Variants in ZNF787 observed in about 807,000 individuals in gnomAD.
ZNF787 encodes TTF-I-interacting peptide 20.
In ZNF787, 7 loss-of-function variants were observed where a neutral mutation model predicts 16.9. The observed-to-expected ratio is 0.42, with a 90% CI of 0.24 to 0.78. ZNF787 has a LOEUF of 0.78. Among genes scored for constraint, ZNF787 ranks in the 30% least tolerant of loss-of-function variants. The probability of loss-of-function intolerance (pLI) is 0.30; values close to 1 mark genes in which losing one functional copy is unlikely to be tolerated. For missense variants in ZNF787, 551 were observed against 589.3 expected (o/e 0.94, Z 0.67); for synonymous variants, 345 against 270.9 (o/e 1.27, Z -2.69).
chr19:56,096,582 G>A (rs914607690), intron 2 of ZNF787, among the ~76,000 whole-genome samples: 8 of 152,172 alleles, frequency 5.3e-5, no homozygotes, highest in Non-Finnish European at 1.0e-4. Context: ...GCATGGTGGC[G>A]GGTGCCTGTA....
Position 56,103,211 on chromosome 19 carries a change from G to A in ZNF787, c.7C>T (p.Leu3=). The part of the protein sequence containing the change: ME[L]REEAWSPGPL... ...CCCGGAGACCAGGCTTCTTCCCGCA[G>A]CTCCATGTCTGGGTCCCTGTTAGAA... The change falls in exon 2 of 3, where the codon CTG becomes TTG. Residue 3 remains leucine, a synonymous_variant. Coordinates refer to ENST00000610935, the MANE Select transcript of ZNF787 (RefSeq NM_001002836.4). 1 of 1,557,000 alleles carries A rather than the reference G, an allele frequency of 6.4e-7. No homozygotes were observed. The highest frequency in any genetic ancestry group is 8.7e-7 in the Non-Finnish European group (1 of 1,151,334).
chr19:56,087,928 C>T lies in ZNF787; in HGVS notation c.*95G>A, dbSNP rs1240594491. 2 of 1,287,100 alleles carry T rather than the reference C, an allele frequency of 1.6e-6. No individual in the cohort carries two copies. Among genetic ancestry groups the T allele is most frequent in the South Asian group, 4.2e-5 (2 of 47,542 alleles). 79.7% of individuals were successfully genotyped at this position (1,287,100 alleles called of 1,614,324 possible). ...CGGGGATGCCGCGGGGTCCATCGCA[C>T]CCCGTCCGCTTCTCCCTGGGTCTCT... On this transcript the variant is annotated 3_prime_UTR_variant, in exon 3 of 3. Transcript: ENST00000610935.
At position 56,088,452 on chromosome 19, in the gene ZNF787, G is replaced by A. The variant is rs1452527772; in HGVS notation, c.720C>T (p.Gly240=). Residue 240 remains glycine (G), a synonymous_variant, in exon 3 of 3, where the codon GGC becomes GGT. Transcript: ENST00000610935. This position sits in a 1 kb window ranked among gnomAD's most constrained non-coding sequence, Gnocchi z 8.6. ...DGEIAIPVGD[G]EGIIVVGAPG... is the part of the protein sequence containing the mutation. ...GCGCGCCCACCACGATGATGCCCTC[G>A]CCATCGCCCACGGGGATGGCGATCT... The A allele has an allele frequency of 8.6e-6, 11 of 1,273,736 alleles. No individual in the cohort carries two copies. Among genetic ancestry groups the A allele is most frequent in the African/African-American group, 1.6e-5 (1 of 62,576 alleles). 78.9% of individuals were successfully genotyped at this position (1,273,736 alleles called of 1,614,324 possible).
Position 56,106,635 on chromosome 19 carries a change from C to G in ZNF787, c.-10-3408G>C, listed in dbSNP as rs76822171. 2.6e-5 allele frequency among the ~76,000 whole-genome samples: 4 copies of G among 152,290 alleles called. No homozygotes were observed. In the East Asian group the frequency reaches 7.7e-4, roughly 29 times the overall value. On this transcript the variant is annotated intron_variant, in intron 1 of 2. Coordinates refer to ENST00000610935, the MANE Select transcript of ZNF787 (RefSeq NM_001002836.4). Reference sequence around the variant, plus strand: ...GGGTAGGACTCCTGGTGAGACACAGCGGCGCCACCCCACCTCGTTCCCCAA... The same window carrying G: ...GGGTAGGACTCCTGGTGAGACACAGGGGCGCCACCCCACCTCGTTCCCCAA...
chr19:56,114,781 G>C (rs1311812497), intron 1 of ZNF787, among the ~76,000 whole-genome samples: 1 of 151,668 alleles, frequency 6.6e-6, no homozygotes, highest in East Asian at 2.0e-4. Context: ...GGTGCCAGGG[G>C]TGTCCAGCAC....
intron 2 of ZNF787, among the ~76,000 whole-genome samples, chr19:56,093,645 G>A (rs925325791): frequency 1.1e-4 from 16 of 152,138 alleles, no homozygotes; most frequent in Admixed American, 5.9e-4. Context: ...ACAGAGGAAC[G>A]GGGTTCACAG....
intron 1 of ZNF787, among the ~76,000 whole-genome samples, chr19:56,117,273 A>G (rs592827): frequency 1.0e-4 from 9 of 89,458 alleles, no homozygotes; most frequent in African/African-American, 3.9e-4. Flanking sequence ...GAGGCTTTCA[A>G]AAGCGGAGTG....
rs1167955551 is a variant in ZNF787 at position 56,088,429 on chromosome 19, G to A, written c.743C>T (p.Ala248Val). ...CGCGGCCGCGGCCCCCTCGCCCGGC[G>A]CGCCCACCACGATGATGCCCTCGCC... ...GDGEGIIVVGAPGEGAAAAAA... is the reference protein window; with the variant it reads ...GDGEGIIVVGVPGEGAAAAAA... Residue 248 changes from alanine (A) to valine (V), a missense_variant, in exon 3 of 3, where the codon GCG (alanine) becomes GTG (valine). By Grantham distance (64) the Ala-to-Val change is moderately conservative. Around this residue, in one of 4 missense-constraint regions of ZNF787, gnomAD observed 392 missense variants for 312.7 expected, o/e 1.25. Transcript: ENST00000610935. This position sits in a 1 kb window ranked among gnomAD's most constrained non-coding sequence, Gnocchi z 8.6. 8.4e-7 allele frequency: 1 copy of A among 1,190,504 alleles called. No homozygotes were observed. The highest frequency in any genetic ancestry group is 4.1e-5 in the East Asian group (1 of 24,644). 73.7% of individuals were successfully genotyped at this position (1,190,504 alleles called of 1,614,324 possible). A position where few individuals can be genotyped will look rare whatever the true frequency, so the allele number is the denominator to read the frequency against.
At chr19:56,118,882 CCCCT>C (rs2030210682) in intron 1 of ZNF787, among the ~76,000 whole-genome samples, 1 of 152,150 alleles carries the variant, frequency 6.6e-6, no homozygotes, top group African/African-American at 2.4e-5. Context: ...TGAGCTGTGA[CCCCT>C]GCCATTCCCT....
Position 56,103,224 on chromosome 19 carries a change from G to A in ZNF787, c.-7C>T, listed in dbSNP as rs953694233. On this transcript the variant is annotated 5_prime_UTR_variant, in exon 2 of 3. Transcript: ENST00000610935. ...CTTCTTCCCGCAGCTCCATGTCTGG[G>A]TCCCTGTTAGAAGGGGATGAGACAG... 1.9e-6 allele frequency: 3 copies of A among 1,549,156 alleles called. No individual in the cohort carries two copies. The highest frequency in any genetic ancestry group is 1.9e-5 in the Admixed American group (1 of 51,462).
At chr19:56,117,578 G>A (rs1249323088) in intron 1 of ZNF787, among the ~76,000 whole-genome samples, 2 of 152,238 alleles carry the variant, frequency 1.3e-5, no homozygotes, top group Non-Finnish European at 1.5e-5. Context: ...CACCTGAGTC[G>A]GCCAGCTGCC....
At chr19:56,103,585 G>C in intron 1 of ZNF787, 1 of 278,254 alleles carries the variant, frequency 3.6e-6, no homozygotes. Flanking sequence ...TGGAGAACAT[G>C]TTACTGTCAA....
At chr19:56,113,568 G>T (rs551095927) in intron 1 of ZNF787, among the ~76,000 whole-genome samples, 1 of 152,072 alleles carries the variant, frequency 6.6e-6, no homozygotes, top group African/African-American at 2.4e-5. Context: ...GATGACCCTC[G>T]AACACGGCAC....
intron 1 of ZNF787, among the ~76,000 whole-genome samples, chr19:56,120,384 G>A (rs1021400839): frequency 2.0e-5 from 3 of 152,224 alleles, no homozygotes; most frequent in African/African-American, 7.2e-5. Flanking sequence ...TCGGCACAGG[G>A]GAGGGAGGCC....
chr19:56,103,133 GCT>G lies in ZNF787; in HGVS notation c.79+4_79+5del. On this transcript the variant is annotated splice_donor_5th_base_variant and intron_variant, in intron 2 of 2. Transcript: ENST00000610935. The stretch of plus-strand genomic sequence containing the variant: ...GGGTCGGCTGGGAAGGCCTCTGGCT[GCT>G]CACCTGGGTTCTCGTGACTGGCCAT... 6.2e-7 allele frequency: 1 copy of G among 1,611,310 alleles called. No homozygotes were observed. The highest frequency in any genetic ancestry group is 8.5e-7 in the Non-Finnish European group (1 of 1,178,200).
At chr19:56,106,324 C>T (rs889370513) in intron 1 of ZNF787, among the ~76,000 whole-genome samples, 1 of 152,380 alleles carries the variant, frequency 6.6e-6, no homozygotes, top group Admixed American at 6.5e-5. Flanking sequence ...GTGGTCCATG[C>T]ACCCACCCAT....
rs527454058 is a variant in ZNF787, at chr19:56,117,343, C to T, written c.-11+3829G>A. ...CCACAAGCAGAGTGGCTAGTACAAC[C>T]TCACAGAGCCACAGCGAGGCTTCCA... On this transcript the variant is annotated intron_variant, in intron 1 of 2. Transcript: ENST00000610935. Among the ~76,000 whole-genome samples the T allele has an allele frequency of 3.2e-4, 48 of 150,020 alleles. 2 individuals are homozygous for T. The highest frequency in any genetic ancestry group is 1.1e-3 in the African/African-American group (45 of 40,706).
chr19:56,095,650 T>C (rs917947816), intron 2 of ZNF787, among the ~76,000 whole-genome samples: 1 of 152,226 alleles, frequency 6.6e-6, no homozygotes, highest in African/African-American at 2.4e-5. Flanking sequence ...CCCTGCTCGA[T>C]TCTGATTCCT....
intron 1 of ZNF787, among the ~76,000 whole-genome samples, chr19:56,113,343 A>C (rs578990): frequency 1.3e-5 from 2 of 152,132 alleles, no homozygotes; most frequent in South Asian, 2.1e-4. Flanking sequence ...CAGAACTCCC[A>C]TAAGAACCCG....
Sources: gnomAD v4.1 joint callset for allele counts (sites outside exome capture counted in the v4.1 genomes callset) on GRCh38, gnomAD v4.1.1 for gene constraint, gnomAD v4.1.1 regional missense constraint, Gnocchi (gnomAD v3.1) non-coding constraint, MANE v1.5 for transcripts, NCBI Gene and HGNC (gene_info 2026-07-23, HGNC 2026-07-21) for gene names.